STAG1: variants seen among roughly 807,000 people sequenced by gnomAD.
STAG1 encodes cohesin subunit SA-1.
Under a neutral mutation model 170.9 loss-of-function variants are expected in STAG1, and 26 were observed. That is an observed-to-expected ratio of 0.15 (90% CI 0.11 to 0.21). The LOEUF (loss-of-function observed/expected upper bound fraction) is 0.21. Among genes scored for constraint, STAG1 ranks in the 10% least tolerant of loss-of-function variants. The probability of loss-of-function intolerance (pLI) is 1.00; values close to 1 mark genes in which losing one functional copy is unlikely to be tolerated. For synonymous variants in STAG1, 514 were observed against 497.7 expected, an observed-to-expected ratio of 1.03 and a Z score of -0.44; for missense variants, 964 against 1,509.5, an observed-to-expected ratio of 0.64 and a Z score of 5.99.
At chr3:136,734,024 G>A (rs768268272) in intron 1 of STAG1, among the ~76,000 whole-genome samples, 1 of 150,536 alleles carries the variant, frequency 6.6e-6, no homozygotes, top group South Asian at 2.1e-4. Flanking sequence ...GGAGAATGGC[G>A]TGAATCCGGG....
rs1010051293 is a variant in STAG1, at chr3:136,426,136, G to A, written c.1651-3092C>T. Among the ~76,000 whole-genome samples the A allele has an allele frequency of 2.6e-5, 4 of 151,698 alleles. No individual in the cohort carries two copies. The South Asian group carries it at 8.3e-4, about 31-fold the overall frequency. On this transcript the variant is annotated intron_variant, in intron 16 of 33. Transcript: ENST00000383202. ...AAAAAAAAAACTTGTGGCCGGGCGC[G>A]GTGGCTCATGCCTGTAATCCCAGCA...
intron 22 of STAG1, among the ~76,000 whole-genome samples, chr3:136,384,461 G>GAAAA (rs1261653731): frequency 9.7e-6 from 1 of 103,548 alleles, no homozygotes. Context: ...AAAAGAAGAA[G>GAAAA]AAAAAAAAAA....
intron 14 of STAG1, among the ~76,000 whole-genome samples, chr3:136,446,001 T>G (rs933011559): frequency 9.2e-5 from 14 of 152,214 alleles, no homozygotes; most frequent in Non-Finnish European, 2.1e-4. Context: ...GGATTACTCA[T>G]GCTGAAAATA....
Position 136,346,229 on chromosome 3 carries a change from T to G in STAG1, c.3272-2223A>C, listed in dbSNP as rs77482937. Among the ~76,000 whole-genome samples the G allele has an allele frequency of 1.7e-3, 257 of 152,360 alleles. 1 individual carries two copies. The East Asian group carries it at 0.019, about 11-fold the overall frequency. On this transcript the variant is annotated intron_variant, in intron 29 of 33. Transcript: ENST00000383202. Reference sequence around the variant, plus strand: ...TCTATCTGCACTCACAGCATATTAATACTTAATCTGTAGTACTTAGCACAG... The same window carrying G: ...TCTATCTGCACTCACAGCATATTAAGACTTAATCTGTAGTACTTAGCACAG...
rs1937679202 is a variant in STAG1 at position 136,377,657 on chromosome 3, T to C, written c.2370+3A>G. ...TTGAGAGCTCTTACTGATAATTTCTTACCTGTTCTTTCACTGGAGTATTAA... is the reference window on the plus strand; with the variant it reads ...TTGAGAGCTCTTACTGATAATTTCTCACCTGTTCTTTCACTGGAGTATTAA... On this transcript the variant is annotated splice_donor_region_variant and intron_variant, in intron 23 of 33. Coordinates refer to ENST00000383202, the MANE Select transcript of STAG1 (RefSeq NM_005862.3). 6.2e-7 allele frequency: 1 copy of C among 1,610,506 alleles called. No individual in the cohort carries two copies. The highest frequency in any genetic ancestry group is 8.5e-7 in the Non-Finnish European group (1 of 1,177,118).
chr3:136,516,277 G>A (rs1934370475), intron 7 of STAG1, among the ~76,000 whole-genome samples: 1 of 152,020 alleles, frequency 6.6e-6, no homozygotes, highest in Non-Finnish European at 1.5e-5. Context: ...TAGAGGCCAT[G>A]GTATGCAAAC....
intron 1 of STAG1, among the ~76,000 whole-genome samples, chr3:136,733,898 G>A (rs1210369011): frequency 6.6e-6 from 1 of 152,118 alleles, no homozygotes; most frequent in Non-Finnish European, 1.5e-5. Flanking sequence ...ACAAGGTCAG[G>A]AGATCAAGAC....
intron 1 of STAG1, among the ~76,000 whole-genome samples, chr3:136,639,694 A>C (rs1475329165): frequency 6.6e-6 from 1 of 152,224 alleles, no homozygotes; most frequent in African/African-American, 2.4e-5. Flanking sequence ...AAAATAAGTA[A>C]GTTTGTATAG....
At chr3:136,545,472 TAGG>T (rs1430789321) in intron 5 of STAG1, among the ~76,000 whole-genome samples, 2 of 152,146 alleles carry the variant, frequency 1.3e-5, no homozygotes, top group Non-Finnish European at 2.9e-5. Flanking sequence ...TGAGTCAGGA[TAGG>T]AGAAGAAATG....
intron 5 of STAG1, among the ~76,000 whole-genome samples, chr3:136,548,490 C>A (rs1008763949): frequency 5.9e-5 from 9 of 152,192 alleles, no homozygotes; most frequent in African/African-American, 2.2e-4. Context: ...TTCTTCCTTC[C>A]TCAGACTGTT....
At chr3:136,367,211 G>C in intron 24 of STAG1, 129 bp from the exon 25 acceptor site, 1 of 744,892 alleles carries the variant, frequency 1.3e-6, no homozygotes, top group East Asian at 2.5e-5. Flanking sequence ...AGTTTTAGAT[G>C]GGACAAAAAC....
intron 1 of STAG1, among the ~76,000 whole-genome samples, chr3:136,693,964 T>C (rs1034244429): frequency 1.3e-5 from 2 of 152,158 alleles, no homozygotes; most frequent in African/African-American, 2.4e-5. Context: ...TTAGCTCTTT[T>C]AACTGAGAAA....
intron 4 of STAG1, among the ~76,000 whole-genome samples, chr3:136,578,183 C>T (rs1383544149): frequency 1.3e-5 from 2 of 152,112 alleles, no homozygotes; most frequent in Non-Finnish European, 2.9e-5. Flanking sequence ...GGAATGTGGT[C>T]ATTAAGAGAT....
At chr3:136,345,780 G>A (rs143265663) in intron 29 of STAG1, among the ~76,000 whole-genome samples, 27 of 151,822 alleles carry the variant, frequency 1.8e-4, no homozygotes, top group South Asian at 4.2e-4. Context: ...GTTTCTCCTC[G>A]TATTTCTCAG....
chr3:136,547,290 A>G (rs1488025285), intron 5 of STAG1, among the ~76,000 whole-genome samples: 2 of 152,200 alleles, frequency 1.3e-5, no homozygotes, highest in Non-Finnish European at 1.5e-5. Context: ...GATAACATTA[A>G]TAACTAAAGC....
chr3:136,375,849 A>C (rs1188803475), intron 23 of STAG1, among the ~76,000 whole-genome samples: 5 of 151,854 alleles, frequency 3.3e-5, no homozygotes, highest in Non-Finnish European at 7.4e-5. Flanking sequence ...GGGCACCTGT[A>C]ATCCCAGATA....
intron 31 of STAG1, 39 bp from the exon 32 acceptor site, chr3:136,340,644 T>C (rs1553787463): frequency 2.2e-6 from 3 of 1,354,950 alleles, no homozygotes; most frequent in South Asian, 2.3e-5. Flanking sequence ...CTCATCAGAC[T>C]CCACCATTTG....
intron 28 of STAG1, among the ~76,000 whole-genome samples, chr3:136,356,951 T>C (rs182479609): frequency 9.8e-4 from 148 of 151,400 alleles, no homozygotes; most frequent in Middle Eastern, 3.4e-3. Context: ...TTTTTTATTT[T>C]ATTTTATTTT....
intron 1 of STAG1, among the ~76,000 whole-genome samples, chr3:136,705,493 T>A (rs1302182662): frequency 6.6e-6 from 1 of 151,856 alleles, no homozygotes; most frequent in Non-Finnish European, 1.5e-5. Flanking sequence ...GCTCCCATAA[T>A]TCCCACGTAT....
Sources: allele counts gnomAD v4.1 joint callset (sites outside exome capture counted in the v4.1 genomes callset), GRCh38; gene constraint gnomAD v4.1.1; transcripts MANE v1.5; gene names NCBI Gene and HGNC (gene_info 2026-07-23, HGNC 2026-07-21).